Variants in CERS3 observed in about 807,000 individuals in gnomAD.
CERS3 encodes LAG1 homolog, ceramide synthase 3.
CERS3 carries 33 observed loss-of-function variants against 50.3 expected under a neutral mutation model. The observed-to-expected ratio is 0.66, with a 90% CI of 0.50 to 0.88. The LOEUF (loss-of-function observed/expected upper bound fraction) is 0.88, where lower values mean the gene tolerates loss of function less well. Among genes scored for constraint, CERS3 ranks in the 40% least tolerant of loss-of-function variants. The probability of loss-of-function intolerance (pLI) is 0.00; values close to 1 mark genes in which losing one functional copy is unlikely to be tolerated. For missense variants in CERS3, 470 were observed against 460.3 expected (o/e 1.02, Z -0.19); for synonymous variants, 176 against 155.2 (o/e 1.13, Z -0.99).
chr15:100,506,588 G>A (rs2036191424), intron 2 of CERS3, among the ~76,000 whole-genome samples: 1 of 151,656 alleles, frequency 6.6e-6, no homozygotes. Flanking sequence ...ATAAGACTTT[G>A]TAATTCTACT....
intron 11 of CERS3, among the ~76,000 whole-genome samples, chr15:100,421,781 G>T (rs1217308410): frequency 1.5e-5 from 2 of 131,412 alleles, no homozygotes; most frequent in South Asian, 5.2e-4. Context: ...ATAATGCCGC[G>T]TATCTACAAC....
chr15:100,527,869 A>G (rs1289436793), intron 1 of CERS3, among the ~76,000 whole-genome samples: 1 of 105,466 alleles, frequency 9.5e-6, no homozygotes, highest in Non-Finnish European at 2.1e-5. Flanking sequence ...ACATATACAT[A>G]TTTTCTCTTT....
At chr15:100,442,485 C>A (rs1398919626) in intron 11 of CERS3, among the ~76,000 whole-genome samples, 1 of 152,224 alleles carries the variant, frequency 6.6e-6, no homozygotes, top group East Asian at 1.9e-4. Context: ...ACATCTCCAG[C>A]ACACAAGAAC....
chr15:100,527,604 T>G (rs903531123), intron 1 of CERS3, among the ~76,000 whole-genome samples: 11 of 152,220 alleles, frequency 7.2e-5, no homozygotes, highest in Admixed American at 1.3e-4. Context: ...TGTGCAGAAA[T>G]GCAATAAAGC....
chr15:100,521,194 A>C (rs2036629220), intron 2 of CERS3, among the ~76,000 whole-genome samples: 2 of 152,206 alleles, frequency 1.3e-5, no homozygotes, highest in Admixed American at 1.3e-4. Context: ...ATTTGCGAAC[A>C]TGCTTCATGA....
At chr15:100,425,708 T>G (rs2032770402) in intron 11 of CERS3, among the ~76,000 whole-genome samples, 1 of 152,162 alleles carries the variant, frequency 6.6e-6, no homozygotes. Flanking sequence ...GTTGAGACTT[T>G]GAGGGACTTT....
intron 11 of CERS3, among the ~76,000 whole-genome samples, chr15:100,441,351 C>T (rs781178636): frequency 3.4e-4 from 52 of 151,828 alleles, no homozygotes; most frequent in Middle Eastern, 6.8e-3. Flanking sequence ...TTCCATGCCC[C>T]GACCCCTTAT....
chr15:100,420,739 C>G (rs929189563), intron 11 of CERS3, among the ~76,000 whole-genome samples: 3 of 151,762 alleles, frequency 2.0e-5, no homozygotes, highest in African/African-American at 7.3e-5. Context: ...CCACCATGAT[C>G]AAGTGGGCTT....
Position 100,505,178 on chromosome 15 carries a change from T to C in CERS3, c.-1-3328A>G, listed in dbSNP as rs543988983. Reference sequence around the variant, plus strand: ...TAAGGACTCAGGGAACACATAGCAATGACACTGAGTTAGGTTTCCCCCCCA... The same window carrying C: ...TAAGGACTCAGGGAACACATAGCAACGACACTGAGTTAGGTTTCCCCCCCA... On this transcript the variant is annotated intron_variant, in intron 2 of 11. Coordinates refer to ENST00000679737, the MANE Select transcript of CERS3 (RefSeq NM_001378789.1). 3.9e-5 allele frequency among the ~76,000 whole-genome samples: 6 copies of C among 152,332 alleles called. No homozygotes were observed. The South Asian group carries it at 1.2e-3, about 32-fold the overall frequency.
chr15:100,403,765 A>G (rs1319329150), intron 11 of CERS3, among the ~76,000 whole-genome samples: 1 of 152,244 alleles, frequency 6.6e-6, no homozygotes, highest in African/African-American at 2.4e-5. Context: ...CCTGAAAAAC[A>G]GCAGCACTAG....
chr15:100,460,141 C>T (rs1185041780), intron 10 of CERS3, among the ~76,000 whole-genome samples: 1 of 152,096 alleles, frequency 6.6e-6, no homozygotes, highest in Non-Finnish European at 1.5e-5. Context: ...TTATACTTTG[C>T]ATACATGTTA....
At chr15:100,434,821 C>T (rs1184424575) in intron 11 of CERS3, among the ~76,000 whole-genome samples, 2 of 152,162 alleles carry the variant, frequency 1.3e-5, no homozygotes, top group Non-Finnish European at 2.9e-5. Flanking sequence ...TGTGTGTGTG[C>T]GTCTGTTTCT....
At chr15:100,410,144 G>A (rs1596604996) in intron 11 of CERS3, among the ~76,000 whole-genome samples, 2 of 152,312 alleles carry the variant, frequency 1.3e-5, no homozygotes, top group South Asian at 4.1e-4. Context: ...CGTTGGAAGG[G>A]GATGGTCATG....
chr15:100,514,152 T>C (rs955426606), intron 2 of CERS3, among the ~76,000 whole-genome samples: 11 of 152,220 alleles, frequency 7.2e-5, no homozygotes, highest in Admixed American at 1.3e-4. Context: ...TTGATCATTG[T>C]ACCTCCCTGC....
At chr15:100,417,349 C>G in intron 11 of CERS3, among the ~76,000 whole-genome samples, 1 of 152,118 alleles carries the variant, frequency 6.6e-6, no homozygotes, top group Non-Finnish European at 1.5e-5. Flanking sequence ...GGGTCACTCC[C>G]ACCCTAATAC....
intron 3 of CERS3, among the ~76,000 whole-genome samples, chr15:100,497,306 A>ATGTGTGTGTGTGTGTG (rs139734142): frequency 6.9e-6 from 1 of 145,864 alleles, no homozygotes. Context: ...GCATATATGT[A>ATGTGTGTGTGTGTGTG]TGTGTGTGTG....
chr15:100,459,936 G>T (rs977864534), intron 10 of CERS3, among the ~76,000 whole-genome samples: 1 of 151,574 alleles, frequency 6.6e-6, no homozygotes, highest in Non-Finnish European at 1.5e-5. Flanking sequence ...CTGCTTTTGT[G>T]GCATCTGTCC....
intron 8 of CERS3, among the ~76,000 whole-genome samples, chr15:100,474,946 T>A (rs1277926940): frequency 6.6e-6 from 1 of 152,210 alleles, no homozygotes; most frequent in Non-Finnish European, 1.5e-5. Context: ...ATAAGACATT[T>A]AACATATATT....
chr15:100,456,285 C>T (rs182673214), intron 10 of CERS3, among the ~76,000 whole-genome samples: 8 of 152,282 alleles, frequency 5.3e-5, no homozygotes, highest in Non-Finnish European at 7.4e-5. Flanking sequence ...TTTTATTACC[C>T]AGTGTTTAAA....
Sources: gnomAD v4.1 joint callset for allele counts (sites outside exome capture counted in the v4.1 genomes callset) on GRCh38, gnomAD v4.1.1 for gene constraint, MANE v1.5 for transcripts, NCBI Gene and HGNC (gene_info 2026-07-23, HGNC 2026-07-21) for gene names.